The following AHCTF1 variants were observed in gnomAD, a reference collection of about 807,000 sequenced individuals.
AHCTF1 encodes AT-hook containing transcription factor 1.
AHCTF1 carries 24 observed loss-of-function variants against 248.4 expected under a neutral mutation model. That is an observed-to-expected ratio of 0.10 (90% CI 0.07 to 0.14). The LOEUF is 0.14. Among genes scored for constraint, AHCTF1 ranks in the 10% least tolerant of loss-of-function variants. The pLI is 1.00. For synonymous variants in AHCTF1, 786 were observed against 929.8 expected (o/e 0.85, Z 2.81); for missense variants, 2,206 against 2,636.2 (o/e 0.84, Z 3.57).
chr1:246,902,127 C>A (rs1440248802), intron 8 of AHCTF1, among the ~76,000 whole-genome samples: 1 of 152,004 alleles, frequency 6.6e-6, no homozygotes, highest in African/African-American at 2.4e-5. Context: ...GCTTAAAAAA[C>A]CGATGCAAAA....
At chr1:246,900,513 A>C in intron 8 of AHCTF1, 44 bp from the exon 9 acceptor site, 5 of 1,556,520 alleles carry the variant, frequency 3.2e-6, no homozygotes, top group South Asian at 1.2e-5. Flanking sequence ...AAAGAATCTC[A>C]AAGTAAAATC....
At chr1:246,891,629 A>C in intron 15 of AHCTF1, 150 bp downstream of exon 15, 1 of 789,822 alleles carries the variant, frequency 1.3e-6, no homozygotes. Context: ...CTTTTCATTA[A>C]AACAAAGAAA....
intron 20 of AHCTF1, 124 bp from the exon 21 acceptor site, chr1:246,885,804 A>C: frequency 1.1e-6 from 1 of 895,560 alleles, no homozygotes; most frequent in Non-Finnish European, 1.7e-6. Flanking sequence ...AGCTGAAAAA[A>C]TCTACTTTAA....
intron 1 of AHCTF1, among the ~76,000 whole-genome samples, chr1:246,923,584 G>A (rs1325494610): frequency 6.6e-6 from 1 of 152,178 alleles, no homozygotes; most frequent in East Asian, 1.9e-4. Context: ...TTTCAATTCA[G>A]AGCAGACATG....
chr1:246,851,023 A>T lies in AHCTF1; in HGVS notation c.4983T>A (p.Pro1661=). The T allele has an allele frequency of 6.2e-7, 1 of 1,613,968 alleles. No homozygotes were observed. The highest frequency in any genetic ancestry group is 8.5e-7 in the Non-Finnish European group (1 of 1,179,872). Residue 1661 remains proline (P), a synonymous_variant, in exon 33 of 36, where the codon CCT becomes CCA. Transcript: ENST00000648844. ...CTGCAATTGCTACTTTAATAGGTTC[A>T]GGCACATATGGTAAAGTGTCTACTT... is the stretch of plus-strand genomic sequence containing the variant. ...SQKVDTLPYV[P]EPIKVAIAEN... is the part of the protein sequence containing the mutation.
At chr1:246,862,188 A>C (rs778216993) in intron 27 of AHCTF1, 35 bp from the exon 28 acceptor site, 1 of 1,555,872 alleles carries the variant, frequency 6.4e-7, no homozygotes. Flanking sequence ...ACACCATTAA[A>C]AGTGCTTATA....
rs1034882688 is a variant in AHCTF1, at chr1:246,844,946, C to T, written c.6392-1018G>A. ...TTACTGTGAGACCAGAATCAAGTAACTTAAACCTGTCTGTGCATCAGTTTC... is the reference window on the plus strand; with the variant it reads ...TTACTGTGAGACCAGAATCAAGTAATTTAAACCTGTCTGTGCATCAGTTTC... On this transcript the variant is annotated intron_variant, in intron 33 of 35. Transcript: ENST00000648844. Among the ~76,000 whole-genome samples, 3 of 152,122 alleles carry T rather than the reference C, an allele frequency of 2.0e-5. No homozygotes were observed. The South Asian group carries it at 6.2e-4, about 32-fold the overall frequency.
Position 246,851,257 on chromosome 1 carries a change from C to T in AHCTF1, c.4749G>A (p.Gly1583=). ...TAECDIAEVD[G]ELFVAQSNFT... is the part of the protein sequence containing the mutation. ...AGTTGCTTTGAGCCACAAAAAGTTC[C>T]CCATCTACTTCAGCAATGTCACATT... The change falls in exon 33 of 36, where the codon GGG becomes GGA. Residue 1583 remains glycine (G), a synonymous_variant. Coordinates refer to ENST00000648844, the MANE Select transcript of AHCTF1 (RefSeq NM_001323342.2). 6.2e-7 allele frequency: 1 copy of T among 1,613,912 alleles called. No homozygotes were observed. Among genetic ancestry groups the T allele is most frequent in the Non-Finnish European group, 8.5e-7 (1 of 1,179,854 alleles).
At chr1:246,875,549 A>G (rs942664757) in intron 24 of AHCTF1, among the ~76,000 whole-genome samples, 5 of 152,196 alleles carry the variant, frequency 3.3e-5, no homozygotes, top group Admixed American at 1.3e-4. Flanking sequence ...CACATGCTAC[A>G]GAGAAACTCT....
At chr1:246,895,234 G>C (rs745530686) in intron 13 of AHCTF1, among the ~76,000 whole-genome samples, 13 of 152,096 alleles carry the variant, frequency 8.5e-5, no homozygotes, top group Non-Finnish European at 4.4e-5. Context: ...TTAGATAAAA[G>C]TCTTAATTTT....
At chr1:246,844,804 A>AC (rs1485539117) in intron 33 of AHCTF1, among the ~76,000 whole-genome samples, 13 of 138,452 alleles carry the variant, frequency 9.4e-5, no homozygotes. Context: ...TACCACACAG[A>AC]CTTTTTTTTT....
chr1:246,847,422 T>C (rs890013469), intron 33 of AHCTF1, among the ~76,000 whole-genome samples: 5 of 152,180 alleles, frequency 3.3e-5, no homozygotes, highest in African/African-American at 4.8e-5. Flanking sequence ...TGGAACGATA[T>C]ACAGGAAAAC....
intron 34 of AHCTF1, among the ~76,000 whole-genome samples, chr1:246,843,305 T>C (rs1248805814): frequency 6.6e-6 from 1 of 152,270 alleles, no homozygotes; most frequent in Non-Finnish European, 1.5e-5. Context: ...TCAATGAAAC[T>C]GTGTATCTCA....
chr1:246,868,884 A>T (rs548036734), intron 24 of AHCTF1, among the ~76,000 whole-genome samples: 12 of 140,472 alleles, frequency 8.5e-5, no homozygotes, highest in South Asian at 2.2e-4. Flanking sequence ...TCGCTCTGTC[A>T]CCCAGGTTGG....
intron 13 of AHCTF1, 102 bp from the exon 14 acceptor site, chr1:246,894,850 G>T (rs1664457891): frequency 1.1e-6 from 1 of 921,198 alleles, no homozygotes; most frequent in Non-Finnish European, 1.7e-6. Flanking sequence ...CTAACCGAGT[G>T]AACATCAACA....
At chr1:246,859,134 T>TA (rs1661332412) in intron 29 of AHCTF1, among the ~76,000 whole-genome samples, 1 of 152,178 alleles carries the variant, frequency 6.6e-6, no homozygotes, top group Admixed American at 6.5e-5. Context: ...CTAAAGTTCT[T>TA]AGAGTAATTA....
intron 8 of AHCTF1, among the ~76,000 whole-genome samples, chr1:246,902,051 C>T (rs770965723): frequency 1.3e-5 from 2 of 152,108 alleles, no homozygotes; most frequent in African/African-American, 4.8e-5. Context: ...AGAAACAGAG[C>T]TCTGAAATGT....
intron 24 of AHCTF1, among the ~76,000 whole-genome samples, chr1:246,874,827 A>C (rs771999516): frequency 1.1e-4 from 16 of 152,258 alleles, no homozygotes; most frequent in South Asian, 1.0e-3. Flanking sequence ...GTTACAAAAA[A>C]ACCTGACCTC....
At chr1:246,859,175 C>T (rs1469306261) in intron 29 of AHCTF1, among the ~76,000 whole-genome samples, 5 of 152,176 alleles carry the variant, frequency 3.3e-5, no homozygotes, top group Non-Finnish European at 7.4e-5. Flanking sequence ...GTAAAGATAT[C>T]GTAGTCCAAA....
Sources: allele counts gnomAD v4.1 joint callset (sites outside exome capture counted in the v4.1 genomes callset), GRCh38; gene constraint gnomAD v4.1.1; transcripts MANE v1.5; gene names NCBI Gene and HGNC (gene_info 2026-07-23, HGNC 2026-07-21).